Variants in TBL1X observed in about 807,000 individuals in gnomAD.
TBL1X encodes F-box-like/WD repeat-containing protein TBL1X.
A neutral mutation model predicts 50.7 loss-of-function variants in TBL1X; 10 were observed. That is an observed-to-expected ratio of 0.20 (90% CI 0.12 to 0.33). The LOEUF is 0.33. Among genes scored for constraint, TBL1X ranks in the 10% least tolerant of loss-of-function variants. The pLI, the probability that TBL1X is intolerant of heterozygous loss-of-function variation, is 1.00. For synonymous variants in TBL1X, 190 were observed against 214.7 expected (o/e 0.88, Z 1.01); for missense variants, 340 against 504.4 (o/e 0.67, Z 3.12).
chrX:9,645,139 G>A (rs1437249964), intron 3 of TBL1X: 3 of 111,972 alleles, frequency 2.7e-5, no homozygotes, highest in Non-Finnish European at 5.6e-5. Context: ...CTGTTACCCA[G>A]GCTGGAGTAC....
At chrX:9,604,921 T>A (rs1174374652) in intron 2 of TBL1X, among the ~76,000 whole-genome samples, 1 of 110,982 alleles carries the variant, frequency 9.0e-6, no homozygotes, top group Non-Finnish European at 1.9e-5. Flanking sequence ...GAAGAAATGA[T>A]CCTCTGGGAG....
intron 2 of TBL1X, among the ~76,000 whole-genome samples, chrX:9,541,096 T>C (rs751881135): frequency 9.0e-6 from 1 of 111,709 alleles, no homozygotes; most frequent in South Asian, 3.7e-4. Context: ...AACCAAACCA[T>C]ATAAAAACAC....
At position 9,719,406 on chromosome X, in the gene TBL1X, T is replaced by C. The variant is rs2083296810; in HGVS notation, c.*3160T>C. ...GCTTTTCTGTTTTTTAACCTTTTGT[T>C]CCGCCATTTAAAAAAAGAAAAAAAA... On this transcript the variant is annotated 3_prime_UTR_variant, in exon 18 of 18. Coordinates refer to ENST00000645353, the MANE Select transcript of TBL1X (RefSeq NM_005647.4). 1 of 110,326 alleles carries C rather than the reference T, an allele frequency of 9.1e-6. No homozygotes were observed. The highest frequency in any genetic ancestry group is 3.8e-4 in the South Asian group (1 of 2,627). The allele number at this position is 110,326 out of a possible 1,213,427, so 9.1% of individuals were successfully genotyped here.
At chrX:9,644,358 G>A (rs1298902997) in intron 3 of TBL1X, among the ~76,000 whole-genome samples, 1 of 112,004 alleles carries the variant, frequency 8.9e-6, no homozygotes, top group African/African-American at 3.3e-5. Flanking sequence ...CTGAAATCTT[G>A]GGCACGTGCA....
chrX:9,608,357 G>A (rs950574240), intron 2 of TBL1X, among the ~76,000 whole-genome samples: 6 of 111,721 alleles, frequency 5.4e-5, no homozygotes, highest in African/African-American at 2.0e-4. Flanking sequence ...GTGGAGGAGG[G>A]GTGTTAAGCA....
intron 2 of TBL1X, among the ~76,000 whole-genome samples, chrX:9,570,106 C>T (rs1041022695): frequency 8.9e-6 from 1 of 112,297 alleles, no homozygotes; most frequent in African/African-American, 3.2e-5. Context: ...TGTAAGCCAA[C>T]AGAACAATTG....
intron 2 of TBL1X, among the ~76,000 whole-genome samples, chrX:9,551,753 A>G (rs760584004): frequency 9.0e-6 from 1 of 111,666 alleles, no homozygotes; most frequent in African/African-American, 3.3e-5. Context: ...TATGAAGTTT[A>G]AGGAAGGAGA....
At chrX:9,654,753 C>T (rs906575344) in intron 5 of TBL1X, among the ~76,000 whole-genome samples, 1 of 110,965 alleles carries the variant, frequency 9.0e-6, no homozygotes, top group Non-Finnish European at 1.9e-5. Flanking sequence ...ACTTAGGAAT[C>T]GTCGTAGCAT....
intron 2 of TBL1X, among the ~76,000 whole-genome samples, chrX:9,602,930 C>G (rs1296932845): frequency 8.9e-6 from 1 of 112,557 alleles, no homozygotes; most frequent in Non-Finnish European, 1.9e-5. Context: ...TCTTCATCCA[C>G]CTGGGAGCAG....
At chrX:9,570,724 C>A (rs1231190878) in intron 2 of TBL1X, among the ~76,000 whole-genome samples, 1 of 88,647 alleles carries the variant, frequency 1.1e-5, no homozygotes, top group Non-Finnish European at 2.1e-5. Flanking sequence ...GTCACCCAGG[C>A]TGGAGTGCAG....
chrX:9,668,236 C>T (rs1327686693), intron 5 of TBL1X, among the ~76,000 whole-genome samples: 4 of 110,991 alleles, frequency 3.6e-5, no homozygotes, highest in African/African-American at 6.6e-5. Flanking sequence ...TGTCCTGAGA[C>T]TTGTGTCATC....
At chrX:9,591,765 G>C (rs762567957) in intron 2 of TBL1X, among the ~76,000 whole-genome samples, 12 of 112,027 alleles carry the variant, frequency 1.1e-4, no homozygotes, top group African/African-American at 2.9e-4. Flanking sequence ...GGTTTCTGGA[G>C]TCCAGAGGAG....
chrX:9,605,663 G>A (rs2082579462), intron 2 of TBL1X, among the ~76,000 whole-genome samples: 1 of 112,213 alleles, frequency 8.9e-6, no homozygotes, highest in Admixed American at 9.4e-5. Flanking sequence ...AAATCAGTCT[G>A]GTTTCTATGG....
At chrX:9,495,216 CTT>C (rs2081965436) in intron 1 of TBL1X, among the ~76,000 whole-genome samples, 1 of 111,510 alleles carries the variant, frequency 9.0e-6, no homozygotes, top group African/African-American at 3.3e-5. Context: ...GGCAGAGAGT[CTT>C]CTCTGTGATG....
chrX:9,694,235 GAAAAAAAA>G (rs142404060), intron 11 of TBL1X, among the ~76,000 whole-genome samples: 1 of 75,978 alleles, frequency 1.3e-5, no homozygotes, highest in African/African-American at 4.7e-5. Context: ...CTAGAATTGA[GAAAAAAAA>G]AAAAAAAAAG....
chrX:9,675,454 C>T (rs2082987820), intron 5 of TBL1X, among the ~76,000 whole-genome samples: 1 of 111,550 alleles, frequency 9.0e-6, no homozygotes, highest in Non-Finnish European at 1.9e-5. Flanking sequence ...GGATGACCTG[C>T]CTGCTTGGTG....
chrX:9,479,294 A>C (rs1187486661), intron 1 of TBL1X, among the ~76,000 whole-genome samples: 3 of 112,038 alleles, frequency 2.7e-5, no homozygotes, highest in Admixed American at 1.9e-4. Context: ...AAAAATACAA[A>C]AATTAGCCGG....
At chrX:9,713,180 G>A (rs1314319756) in intron 16 of TBL1X, among the ~76,000 whole-genome samples, 9 of 111,155 alleles carry the variant, frequency 8.1e-5, no homozygotes, top group Non-Finnish European at 1.5e-4. Flanking sequence ...CCTGCGTAGA[G>A]CCAACCCGAC....
At chrX:9,587,776 C>A (rs763046234) in intron 2 of TBL1X, among the ~76,000 whole-genome samples, 1 of 110,458 alleles carries the variant, frequency 9.1e-6, no homozygotes, top group Admixed American at 9.6e-5. Flanking sequence ...GGAAGAAACA[C>A]CCACCCAGTG....
Sources: allele counts gnomAD v4.1 joint callset (sites outside exome capture counted in the v4.1 genomes callset), GRCh38; gene constraint gnomAD v4.1.1; transcripts MANE v1.5; gene names NCBI Gene and HGNC (gene_info 2026-07-23, HGNC 2026-07-21).